Variants in POFUT3 observed in about 807,000 individuals in gnomAD.
The protein encoded by POFUT3 is protein O-fucosyltransferase 3, also known as GDP-fucose protein O-fucosyltransferase 3.
the POFUT3 span, among the ~76,000 whole-genome samples, chr8:33,315,706 T>C: frequency 6.6e-6 from 1 of 152,134 alleles, no homozygotes; most frequent in South Asian, 2.1e-4. Context: ...GGAGGACATC[T>C]GCAGTCATGC....
the POFUT3 span, among the ~76,000 whole-genome samples, chr8:33,468,253 A>AG: frequency 8.0e-5 from 12 of 149,610 alleles, no homozygotes; most frequent in East Asian, 2.0e-4. Context: ...AAAAAAAAAA[A>AG]AAAAGAAGAA....
At chr8:33,358,484 G>T in the POFUT3 span, among the ~76,000 whole-genome samples, 1 of 152,236 alleles carries the variant, frequency 6.6e-6, no homozygotes, top group East Asian at 1.9e-4. Flanking sequence ...TGTAAATATG[G>T]ACTGTGTATT....
At chr8:33,431,364 T>C in the POFUT3 span, among the ~76,000 whole-genome samples, 1 of 151,196 alleles carries the variant, frequency 6.6e-6, no homozygotes, top group Admixed American at 6.6e-5. Context: ...CTGGCCAATA[T>C]GGTGAGACCC....
the POFUT3 span, among the ~76,000 whole-genome samples, chr8:33,316,134 T>A: frequency 3.2e-4 from 48 of 152,256 alleles, no homozygotes; most frequent in Non-Finnish European, 6.0e-4. Context: ...TACTATTTAT[T>A]ACAGGATATG....
chr8:33,411,069 TC>T, the POFUT3 span, among the ~76,000 whole-genome samples: 2 of 151,958 alleles, frequency 1.3e-5, no homozygotes, highest in Non-Finnish European at 2.9e-5. Context: ...TGAAAATAAA[TC>T]CTCCCCCAGT....
At chr8:33,407,055 T>C in the POFUT3 span, among the ~76,000 whole-genome samples, 103 of 152,292 alleles carry the variant, frequency 6.8e-4, no homozygotes, top group Middle Eastern at 3.4e-3. Context: ...TCATCCCCCA[T>C]GATACTTAGG....
the POFUT3 span, among the ~76,000 whole-genome samples, chr8:33,424,340 T>C: frequency 6.6e-6 from 1 of 152,102 alleles, no homozygotes; most frequent in Non-Finnish European, 1.5e-5. Context: ...AATGTTAGTT[T>C]CCATCCCTCC....
At chr8:33,351,905 G>A in the POFUT3 span, among the ~76,000 whole-genome samples, 1 of 152,310 alleles carries the variant, frequency 6.6e-6, no homozygotes, top group South Asian at 2.1e-4. Flanking sequence ...TTTTAAAGCT[G>A]TTTGGGAATT....
the POFUT3 span, among the ~76,000 whole-genome samples, chr8:33,362,402 C>T: frequency 2.0e-5 from 3 of 152,110 alleles, no homozygotes; most frequent in African/African-American, 4.8e-5. Flanking sequence ...ATGACAAGAT[C>T]AAATTTAAAC....
the POFUT3 span, among the ~76,000 whole-genome samples, chr8:33,472,722 G>T: frequency 6.6e-6 from 1 of 152,204 alleles, no homozygotes; most frequent in African/African-American, 2.4e-5. Context: ...GGGGCAGGCG[G>T]GGAGGCGCCG....
chr8:33,357,536 A>G, the POFUT3 span, among the ~76,000 whole-genome samples: 1 of 151,276 alleles, frequency 6.6e-6, no homozygotes, highest in South Asian at 2.1e-4. Context: ...GTATACATAT[A>G]TGTGTGTATA....
the POFUT3 span, among the ~76,000 whole-genome samples, chr8:33,358,183 G>A: frequency 6.6e-6 from 1 of 152,214 alleles, no homozygotes; most frequent in Non-Finnish European, 1.5e-5. Context: ...AGCCCAGGAG[G>A]TCTAGGCTGC....
the POFUT3 span, chr8:33,389,318 T>C: frequency 3.1e-6 from 5 of 1,614,160 alleles, no homozygotes; most frequent in Non-Finnish European, 4.2e-6. Context: ...GATGTAGTCA[T>C]CACAAACTGC....
chr8:33,325,366 T>C, the POFUT3 span, among the ~76,000 whole-genome samples: 1 of 152,192 alleles, frequency 6.6e-6, no homozygotes, highest in Non-Finnish European at 1.5e-5. Flanking sequence ...CCCTAACATA[T>C]TATTAAAACA....
At chr8:33,449,599 T>C in the POFUT3 span, among the ~76,000 whole-genome samples, 1 of 152,044 alleles carries the variant, frequency 6.6e-6, no homozygotes, top group Non-Finnish European at 1.5e-5. Context: ...CTGAGTTGAC[T>C]TTTAAAAGGT....
At chr8:33,461,870 G>A in the POFUT3 span, 2 of 339,636 alleles carry the variant, frequency 5.9e-6, no homozygotes, top group Non-Finnish European at 1.1e-5. Flanking sequence ...CATAAGTAAG[G>A]AAATCAAGGC....
At chr8:33,422,941 G>A in the POFUT3 span, among the ~76,000 whole-genome samples, 1 of 151,862 alleles carries the variant, frequency 6.6e-6, no homozygotes, top group Non-Finnish European at 1.5e-5. Context: ...TCAGCCCCCC[G>A]AGTAGCTGGA....
the POFUT3 span, among the ~76,000 whole-genome samples, chr8:33,457,246 G>C: frequency 1.3e-5 from 2 of 152,016 alleles, no homozygotes; most frequent in Non-Finnish European, 2.9e-5. Context: ...TCAGGAGTTC[G>C]AGACCAGCCT....
At chr8:33,408,387 A>G in the POFUT3 span, among the ~76,000 whole-genome samples, 5 of 152,174 alleles carry the variant, frequency 3.3e-5, no homozygotes, top group Admixed American at 2.0e-4. Context: ...CAGGTAACCA[A>G]TCTGTCTCAA....
Sources: allele counts gnomAD v4.1 joint callset (sites outside exome capture counted in the v4.1 genomes callset), GRCh38; gene constraint gnomAD v4.1.1; transcripts MANE v1.5; gene names NCBI Gene and HGNC (gene_info 2026-07-23, HGNC 2026-07-21).